Variants in KIAA0825 observed in about 807,000 individuals in gnomAD.
KIAA0825 encodes the protein KIAA0825, also known as uncharacterized protein KIAA0825.
A neutral mutation model predicts 147.6 loss-of-function variants in KIAA0825; 119 were observed. That is an observed-to-expected ratio of 0.81 (90% CI 0.69 to 0.94). KIAA0825 has a LOEUF of 0.94. KIAA0825 is among the 40% of genes least tolerant of loss of function. The pLI is 0.00. For synonymous variants in KIAA0825, 470 were observed against 518.1 expected (o/e 0.91, Z 1.26); for missense variants, 1,381 against 1,472.7 (o/e 0.94, Z 1.02).
intron 20 of KIAA0825, among the ~76,000 whole-genome samples, chr5:94,343,772 C>T (rs569877863): frequency 6.6e-6 from 1 of 152,316 alleles, no homozygotes; most frequent in South Asian, 2.1e-4. Context: ...ATCCCTCTAT[C>T]TATCTACCCT....
At chr5:94,590,774 G>C (rs1437815510) in intron 1 of KIAA0825, among the ~76,000 whole-genome samples, 4 of 152,166 alleles carry the variant, frequency 2.6e-5, no homozygotes, top group Admixed American at 2.0e-4. Context: ...GTTATCTAAG[G>C]AAAGGCAAAT....
chr5:94,317,237 A>G (rs1779742186), intron 20 of KIAA0825, among the ~76,000 whole-genome samples: 1 of 151,858 alleles, frequency 6.6e-6, no homozygotes, highest in African/African-American at 2.4e-5. Flanking sequence ...CATTTCCCTG[A>G]TGGAAATAAC....
At chr5:94,396,755 C>G (rs573385381) in intron 16 of KIAA0825, among the ~76,000 whole-genome samples, 1 of 150,568 alleles carries the variant, frequency 6.6e-6, no homozygotes, top group African/African-American at 2.5e-5. Context: ...AATTTATATT[C>G]TTATCTTTCA....
At chr5:94,393,085 C>T (rs1750129992) in intron 17 of KIAA0825, among the ~76,000 whole-genome samples, 1 of 151,910 alleles carries the variant, frequency 6.6e-6, no homozygotes, top group African/African-American at 2.4e-5. Flanking sequence ...TGAATTGTAT[C>T]CTTTCCTGTC....
intron 20 of KIAA0825, among the ~76,000 whole-genome samples, chr5:94,222,320 A>G (rs1302844976): frequency 6.6e-6 from 1 of 152,224 alleles, no homozygotes; most frequent in Non-Finnish European, 1.5e-5. Flanking sequence ...ATAATGTTTC[A>G]TTCAATATTT....
At chr5:94,603,454 C>T (rs760203674) in intron 1 of KIAA0825, among the ~76,000 whole-genome samples, 2 of 152,138 alleles carry the variant, frequency 1.3e-5, no homozygotes, top group Non-Finnish European at 2.9e-5. Flanking sequence ...AAAAATACTA[C>T]CAGACATTAC....
intron 20 of KIAA0825, among the ~76,000 whole-genome samples, chr5:94,257,958 T>A (rs1453654575): frequency 6.6e-6 from 1 of 152,010 alleles, no homozygotes; most frequent in Non-Finnish European, 1.5e-5. Context: ...GTCAAGAAAT[T>A]TAAGGAATCT....
At chr5:94,204,631 G>T (rs548269554) in intron 20 of KIAA0825, among the ~76,000 whole-genome samples, 19 of 152,254 alleles carry the variant, frequency 1.2e-4, no homozygotes, top group African/African-American at 4.3e-4. Flanking sequence ...TAAGCTGATT[G>T]AATGGTTTTA....
intron 13 of KIAA0825, among the ~76,000 whole-genome samples, chr5:94,441,233 C>A (rs535891783): frequency 2.0e-5 from 3 of 152,206 alleles, no homozygotes; most frequent in South Asian, 4.1e-4. Flanking sequence ...AATTCTCCAG[C>A]CTCATCCCAT....
chr5:94,366,368 T>C, intron 20 of KIAA0825, among the ~76,000 whole-genome samples: 1 of 152,222 alleles, frequency 6.6e-6, no homozygotes, highest in Non-Finnish European at 1.5e-5. Flanking sequence ...CAGACACACA[T>C]AACACAGCTA....
intron 14 of KIAA0825, among the ~76,000 whole-genome samples, chr5:94,427,416 G>A (rs548066442): frequency 6.6e-6 from 1 of 152,156 alleles, no homozygotes; most frequent in East Asian, 1.9e-4. Flanking sequence ...CACACCTGAA[G>A]TCCTAGCTAC....
At chr5:94,361,605 C>A (rs1019382611) in intron 20 of KIAA0825, among the ~76,000 whole-genome samples, 3 of 152,032 alleles carry the variant, frequency 2.0e-5, no homozygotes, top group Non-Finnish European at 4.4e-5. Context: ...TTATTTCCAA[C>A]GAATGCATTA....
At chr5:94,294,522 T>C (rs1314630822) in intron 20 of KIAA0825, among the ~76,000 whole-genome samples, 1 of 152,146 alleles carries the variant, frequency 6.6e-6, no homozygotes, top group East Asian at 1.9e-4. Context: ...GGTCAGGAGT[T>C]TGAGACCAGC....
chr5:94,515,819 A>G (rs1019597781), intron 5 of KIAA0825, among the ~76,000 whole-genome samples: 3 of 151,930 alleles, frequency 2.0e-5, no homozygotes, highest in Admixed American at 6.6e-5. Context: ...TAGAGAAACT[A>G]TAAGAATACA....
At chr5:94,242,344 C>T (rs559839330) in intron 20 of KIAA0825, among the ~76,000 whole-genome samples, 4 of 152,266 alleles carry the variant, frequency 2.6e-5, no homozygotes, top group African/African-American at 9.6e-5. Context: ...AGCATGCTTT[C>T]ATTCCCCGCT....
chr5:94,607,867 T>C (rs910475795), intron 1 of KIAA0825, among the ~76,000 whole-genome samples: 1 of 152,164 alleles, frequency 6.6e-6, no homozygotes, highest in Non-Finnish European at 1.5e-5. Flanking sequence ...CCTCATTCCT[T>C]GACTTGTGGC....
intron 2 of KIAA0825, among the ~76,000 whole-genome samples, chr5:94,574,660 AG>A (rs1780668157): frequency 6.6e-6 from 1 of 152,008 alleles, no homozygotes. Context: ...TCACAACCTC[AG>A]CTCTTACTAA....
At chr5:94,383,877 T>A (rs1402844932) in intron 20 of KIAA0825, among the ~76,000 whole-genome samples, 2 of 151,588 alleles carry the variant, frequency 1.3e-5, no homozygotes, top group Non-Finnish European at 2.9e-5. Flanking sequence ...AGTACCAACA[T>A]AACTGGCTGA....
chr5:94,278,229 T>C (rs1452725064), intron 20 of KIAA0825, among the ~76,000 whole-genome samples: 1 of 152,100 alleles, frequency 6.6e-6, no homozygotes, highest in Non-Finnish European at 1.5e-5. Context: ...TGTATACCTA[T>C]GTAACACACA....
Sources: gnomAD v4.1 joint callset for allele counts (sites outside exome capture counted in the v4.1 genomes callset) on GRCh38, gnomAD v4.1.1 for gene constraint, MANE v1.5 for transcripts, NCBI Gene and HGNC (gene_info 2026-07-23, HGNC 2026-07-21) for gene names.